Variants in ZNF385D observed in about 807,000 individuals in gnomAD.
The protein encoded by ZNF385D is zinc finger protein 385D.
Under a neutral mutation model 35.8 loss-of-function variants are expected in ZNF385D, and 15 were observed. That is an observed-to-expected ratio of 0.42 (90% confidence interval 0.28 to 0.64). The LOEUF (loss-of-function observed/expected upper bound fraction) is 0.64, where lower values mean the gene tolerates loss of function less well. ZNF385D is among the 30% of genes least tolerant of loss of function. The pLI is 0.23. For missense variants in ZNF385D, 474 were observed against 494.6 expected (o/e 0.96, Z 0.39); for synonymous variants, 212 against 186.8 (o/e 1.13, Z -1.10).
At chr3:22,160,643 G>A (rs1705886206) in intron 3 of ZNF385D, among the ~76,000 whole-genome samples, 1 of 152,172 alleles carries the variant, frequency 6.6e-6, no homozygotes, top group South Asian at 2.1e-4. Context: ...AAAATTTAAT[G>A]CTAGCAGCAA....
At chr3:22,010,880 A>G (rs555468947) in intron 3 of ZNF385D, among the ~76,000 whole-genome samples, 1 of 152,100 alleles carries the variant, frequency 6.6e-6, no homozygotes, top group South Asian at 2.1e-4. Flanking sequence ...TATGTCTGCA[A>G]TTTTTTCTTT....
At chr3:22,048,789 T>C (rs1699166843) in intron 3 of ZNF385D, among the ~76,000 whole-genome samples, 1 of 152,170 alleles carries the variant, frequency 6.6e-6, no homozygotes, top group Admixed American at 6.5e-5. Flanking sequence ...GAAAATGTCA[T>C]TGGAATTTTG....
chr3:21,602,035 C>T lies in ZNF385D; in HGVS notation c.166-37351G>A, dbSNP rs2125764619. The stretch of plus-strand genomic sequence containing the variant: ...AAAAAGGTGTAATTGACTTACAGTT[C>T]CACATGGCTAGGGAGGCCTCACAAT... On this transcript the variant is annotated intron_variant, in intron 2 of 7. Transcript: ENST00000281523. Among the ~76,000 whole-genome samples, 3 of 152,282 alleles carry T rather than the reference C, an allele frequency of 2.0e-5. No homozygotes were observed. The South Asian group carries it at 6.2e-4, about 32-fold the overall frequency.
At chr3:21,585,329 T>C (rs369512621) in intron 2 of ZNF385D, among the ~76,000 whole-genome samples, 2 of 152,192 alleles carry the variant, frequency 1.3e-5, no homozygotes, top group Non-Finnish European at 2.9e-5. Flanking sequence ...TGAGAGTTAC[T>C]TTCCTTTTCT....
chr3:22,169,429 C>G (rs947136382), intron 2 of ZNF385D, among the ~76,000 whole-genome samples: 1 of 152,136 alleles, frequency 6.6e-6, no homozygotes, highest in Non-Finnish European at 1.5e-5. Flanking sequence ...ATCTCTAAAT[C>G]CAAAGTTTTT....
At chr3:21,448,444 A>G (rs1305274281) in intron 4 of ZNF385D, among the ~76,000 whole-genome samples, 5 of 152,160 alleles carry the variant, frequency 3.3e-5, no homozygotes, top group Admixed American at 2.0e-4. Flanking sequence ...GGGTCATCAC[A>G]TAACACAATG....
At chr3:21,497,400 A>T (rs1388872729) in intron 4 of ZNF385D, among the ~76,000 whole-genome samples, 2 of 152,192 alleles carry the variant, frequency 1.3e-5, no homozygotes, top group African/African-American at 2.4e-5. Context: ...TATAGGTGAG[A>T]CAAACAAATG....
At chr3:21,993,228 A>G (rs561983831) in intron 3 of ZNF385D, among the ~76,000 whole-genome samples, 225 of 152,262 alleles carry the variant, frequency 1.5e-3, no homozygotes, top group African/African-American at 5.3e-3. Context: ...CTTGCATGCA[A>G]ATTTTGGTTT....
In ZNF385D at chr3:21,415,368, G is replaced by A. The variant is rs1700548343; in HGVS notation, c.*5846C>T. 6.6e-6 allele frequency: 1 copy of A among 152,040 alleles called. No homozygotes were observed. Among genetic ancestry groups the A allele is most frequent in the South Asian group, 2.1e-4 (1 of 4,824 alleles). The allele number at this position is 152,040 out of a possible 1,614,324, so 9.4% of individuals were successfully genotyped here. On this transcript the variant is annotated 3_prime_UTR_variant, in exon 8 of 8. Transcript: ENST00000281523. ...TTGTATGACCCAACTCAAACTGTTA[G>A]CATAATAGTCTTGCTAGAGTGCATA...
chr3:22,256,450 T>C (rs1700322772), intron 2 of ZNF385D, among the ~76,000 whole-genome samples: 1 of 151,604 alleles, frequency 6.6e-6, no homozygotes, highest in Non-Finnish European at 1.5e-5. Flanking sequence ...AATTGATCAT[T>C]TTTTTTAGTT....
At chr3:22,205,906 A>G (rs113626415) in intron 2 of ZNF385D, among the ~76,000 whole-genome samples, 468 of 152,128 alleles carry the variant, frequency 3.1e-3, no homozygotes, top group African/African-American at 0.011. Flanking sequence ...GTTCTTGCTT[A>G]TAAGTAATAG....
intron 2 of ZNF385D, among the ~76,000 whole-genome samples, chr3:22,231,932 C>A (rs1364907611): frequency 2.6e-5 from 4 of 152,098 alleles, no homozygotes; most frequent in Admixed American, 2.6e-4. Context: ...CCCTGTTTCT[C>A]CTCCTGCTCT....
intron 2 of ZNF385D, among the ~76,000 whole-genome samples, chr3:22,302,553 G>T (rs1049985383): frequency 6.6e-6 from 1 of 151,828 alleles, no homozygotes; most frequent in African/African-American, 2.4e-5. Context: ...ACTTACTCTA[G>T]ATTTGCAAAC....
intron 3 of ZNF385D, among the ~76,000 whole-genome samples, chr3:22,079,212 T>A (rs943501099): frequency 1.6e-4 from 24 of 151,978 alleles, no homozygotes; most frequent in Non-Finnish European, 1.2e-4. Context: ...ATTTTCCCCA[T>A]CATTAAAATG....
At chr3:21,466,050 TTTGTCTAATACTGAA>T (rs1347503729) in intron 4 of ZNF385D, among the ~76,000 whole-genome samples, 5 of 152,160 alleles carry the variant, frequency 3.3e-5, no homozygotes, top group Admixed American at 6.5e-5. Context: ...TGCACCCGAT[TTTGTCTAATACTGAA>T]TTGTACTAGT....
chr3:22,071,062 G>T (rs762228906), intron 3 of ZNF385D, among the ~76,000 whole-genome samples: 2 of 152,068 alleles, frequency 1.3e-5, no homozygotes, highest in Non-Finnish European at 1.5e-5. Flanking sequence ...TGAACACTTT[G>T]AAATAGAAAG....
chr3:21,967,678 G>A lies in ZNF385D; in HGVS notation c.325+201139C>T, dbSNP rs376548143. Among the ~76,000 whole-genome samples, 17 of 152,312 alleles carry A rather than the reference G, an allele frequency of 1.1e-4. No individual in the cohort carries two copies. The East Asian group carries it at 3.3e-3, about 29-fold the overall frequency. On this transcript the variant is annotated intron_variant, in intron 3 of 5. Transcript: ENST00000494108. ...CTCCTAAGACTTCTAACACACAGAAGACCTTTCAGTGTTTGCACAGGGCTG... is the reference window on the plus strand; with the variant it reads ...CTCCTAAGACTTCTAACACACAGAAAACCTTTCAGTGTTTGCACAGGGCTG...
chr3:21,805,789 T>C (rs543619508), intron 3 of ZNF385D, among the ~76,000 whole-genome samples: 2 of 152,286 alleles, frequency 1.3e-5, no homozygotes, highest in Non-Finnish European at 2.9e-5. Flanking sequence ...GAAACGGTCA[T>C]AATGCAATCC....
intron 2 of ZNF385D, among the ~76,000 whole-genome samples, chr3:22,227,441 G>A (rs978934143): frequency 6.6e-6 from 1 of 152,206 alleles, no homozygotes; most frequent in Non-Finnish European, 1.5e-5. Flanking sequence ...GAAAGACCAA[G>A]AAGAATCTGA....
Sources: allele counts gnomAD v4.1 joint callset (sites outside exome capture counted in the v4.1 genomes callset), GRCh38; gene constraint gnomAD v4.1.1; transcripts MANE v1.5; gene names NCBI Gene and HGNC (gene_info 2026-07-23, HGNC 2026-07-21).